The following UTP4 variants were observed in gnomAD, a reference collection of about 807,000 sequenced individuals.
The protein encoded by UTP4 is U3 small nucleolar RNA-associated protein 4 homolog.
Under a neutral mutation model 82.4 loss-of-function variants are expected in UTP4, and 45 were observed. The observed-to-expected ratio is 0.55, with a 90% CI of 0.43 to 0.70. The LOEUF is 0.70. Ranked by LOEUF, UTP4 falls within the 30% of genes least tolerant of loss-of-function variation. The pLI is 0.00. For synonymous variants in UTP4, 348 were observed against 300.3 expected, an observed-to-expected ratio of 1.16 and a Z score of -1.64; for missense variants, 819 against 858.3, an observed-to-expected ratio of 0.95 and a Z score of 0.57.
chr16:69,144,225 G>A (rs755392987), intron 6 of UTP4, among the ~76,000 whole-genome samples: 10 of 148,588 alleles, frequency 6.7e-5, no homozygotes, highest in South Asian at 2.1e-4. Context: ...TTTTTGAGAC[G>A]GAGTCTAGCT....
chr16:69,165,813 A>G, intron 15 of UTP4: 1 of 540,122 alleles, frequency 1.9e-6, no homozygotes. Flanking sequence ...CATAAATCTT[A>G]CACAGAAAAG....
chr16:69,150,715 T>C lies in UTP4; in HGVS notation c.910+7T>C. 6.2e-7 allele frequency: 1 copy of C among 1,614,146 alleles called. No homozygotes were observed. Among genetic ancestry groups the C allele is most frequent in the Non-Finnish European group, 8.5e-7 (1 of 1,180,014 alleles). ...ACAGCGCTGATATCTGGAGGTGGGT[T>C]CCCCCTCTGGTGAGGCTGCTGCTTT... is the stretch of plus-strand genomic sequence containing the variant. On this transcript the variant is annotated splice_region_variant and intron_variant, in intron 7 of 16. Transcript: ENST00000314423.
At position 69,163,191 on chromosome 16, in the gene UTP4, C is replaced by G. The variant is rs760486146; in HGVS notation, c.1647+13C>G. 2 of 1,590,902 alleles carry G rather than the reference C, an allele frequency of 1.3e-6. No homozygotes were observed. Among genetic ancestry groups the G allele is most frequent in the Non-Finnish European group, 1.7e-6 (2 of 1,159,006 alleles). On this transcript the variant is annotated intron_variant, in intron 14 of 16. Coordinates refer to ENST00000314423, the MANE Select transcript of UTP4 (RefSeq NM_032830.3). ...TTCGGACCAGCAGGTAAGGGAGATTCCAGTGCTTTCTATTCCCTTCCTGCT... is the reference window on the plus strand; with the variant it reads ...TTCGGACCAGCAGGTAAGGGAGATTGCAGTGCTTTCTATTCCCTTCCTGCT...
chr16:69,168,793 T>C, intron 16 of UTP4, 28 bp from the exon 17 acceptor site: 4 of 1,415,790 alleles, frequency 2.8e-6, no homozygotes, highest in Non-Finnish European at 4.0e-6. Flanking sequence ...TCCTAAGTCC[T>C]GATAGAATAA....
chr16:69,148,906 T>C (rs1963189924), intron 6 of UTP4, among the ~76,000 whole-genome samples: 1 of 152,188 alleles, frequency 6.6e-6, no homozygotes, highest in Non-Finnish European at 1.5e-5. Context: ...GCCACATTAC[T>C]ACTCTTGTTT....
intron 14 of UTP4, among the ~76,000 whole-genome samples, chr16:69,164,810 A>G (rs765779442): frequency 1.4e-4 from 21 of 151,930 alleles, no homozygotes; most frequent in Non-Finnish European, 7.4e-5. Context: ...TGACCGATAT[A>G]TATGTGTATT....
At chr16:69,153,297 T>TA (rs2152281050) in intron 8 of UTP4, among the ~76,000 whole-genome samples, 1 of 152,302 alleles carries the variant, frequency 6.6e-6, no homozygotes, top group East Asian at 1.9e-4. Flanking sequence ...TTTCAGTACA[T>TA]ACTGTGTTTA....
At chr16:69,159,333 T>C (rs2152282804) in intron 12 of UTP4, among the ~76,000 whole-genome samples, 1 of 151,544 alleles carries the variant, frequency 6.6e-6, no homozygotes, top group African/African-American at 2.4e-5. Context: ...CACCTACCTC[T>C]GCCTCCCAAA....
chr16:69,142,910 C>G (rs900699192), intron 5 of UTP4, among the ~76,000 whole-genome samples: 1 of 152,222 alleles, frequency 6.6e-6, no homozygotes, highest in Non-Finnish European at 1.5e-5. Flanking sequence ...TCCCAACACC[C>G]CTTCTCTTCA....
chr16:69,140,619 C>T (rs1315623094), intron 5 of UTP4, among the ~76,000 whole-genome samples: 2 of 151,728 alleles, frequency 1.3e-5, no homozygotes, highest in Non-Finnish European at 2.9e-5. Context: ...GAAGCTGAGG[C>T]AGGAGAATCG....
rs747759275 is a variant in UTP4 at position 69,143,221 on chromosome 16, C to T, written c.570C>T (p.Gly190=). 1.4e-5 allele frequency: 23 copies of T among 1,614,098 alleles called. No homozygotes were observed. Among genetic ancestry groups the T allele is most frequent in the South Asian group, 6.6e-5 (6 of 91,092 alleles). ...HKMIVDRQYM[G]VSKRKCIVWG... ...TGATTGTGGACAGGCAGTATATGGG[C>T]GTGTCTAAGCGGAAGTGCATCGTGT... is the stretch of plus-strand genomic sequence containing the variant. Residue 190 remains glycine (G), a synonymous_variant, in exon 6 of 17, where the codon GGC becomes GGT. Coordinates refer to ENST00000314423, the MANE Select transcript of UTP4 (RefSeq NM_032830.3).
intron 8 of UTP4, among the ~76,000 whole-genome samples, chr16:69,152,464 CT>C (rs58914042): frequency 0.021 from 2,264 of 107,088 alleles, 52 homozygotes; most frequent in African/African-American, 0.069. Flanking sequence ...TTCTGTTTTT[CT>C]TTTTTTTTTT....
At position 69,136,817 on chromosome 16, in the gene UTP4, A is replaced by T; in HGVS notation, c.281A>T (p.Lys94Met). ...MEYDLQALNI[K>M]YAMDAFGGPI... The stretch of plus-strand genomic sequence containing the variant: ...TATGATTTACAGGCGTTAAACATCA[A>T]GTATGCTATGGATGCCTTTGGAGGA... The change falls in exon 3 of 17, where the codon AAG becomes ATG. Residue 94 changes from lysine to methionine, a missense_variant. By Grantham distance (95) the Lys-to-Met change is moderately conservative. Transcript: ENST00000314423. The T allele has an allele frequency of 6.2e-7, 1 of 1,614,208 alleles. No individual in the cohort carries two copies. The highest frequency in any genetic ancestry group is 1.3e-5 in the African/African-American group (1 of 75,058).
chr16:69,161,928 G>A (rs1963572075), intron 13 of UTP4, among the ~76,000 whole-genome samples: 1 of 151,820 alleles, frequency 6.6e-6, no homozygotes, highest in Non-Finnish European at 1.5e-5. Flanking sequence ...CTTCCGAAGT[G>A]CTGTAGTTAC....
intron 2 of UTP4, among the ~76,000 whole-genome samples, chr16:69,135,368 G>A (rs973162728): frequency 1.3e-5 from 2 of 151,752 alleles, no homozygotes; most frequent in African/African-American, 4.8e-5. Context: ...TACTAGATAC[G>A]ATTGCTTAGC....
Position 69,167,062 on chromosome 16 carries a change from T to G in UTP4, c.1834-13T>G, listed in dbSNP as rs1376009701. Reference sequence around the variant, plus strand: ...AAAGTAACCATTTAAACAATGTGTCTTTGTTTTTTTAGCCCCTTCCAAATG... The same window carrying G: ...AAAGTAACCATTTAAACAATGTGTCGTTGTTTTTTTAGCCCCTTCCAAATG... On this transcript the variant is annotated splice_polypyrimidine_tract_variant and intron_variant, in intron 15 of 16. Coordinates refer to ENST00000314423, the MANE Select transcript of UTP4 (RefSeq NM_032830.3). 1 of 1,568,110 alleles carries G rather than the reference T, an allele frequency of 6.4e-7. No individual in the cohort carries two copies. Among genetic ancestry groups the G allele is most frequent in the South Asian group, 1.1e-5 (1 of 90,202 alleles).
intron 12 of UTP4, among the ~76,000 whole-genome samples, chr16:69,159,749 A>G (rs1362575094): frequency 6.6e-6 from 1 of 152,072 alleles, no homozygotes; most frequent in African/African-American, 2.4e-5. Context: ...GCACTTTGGG[A>G]GGCCAAGGTG....
In UTP4 at chr16:69,154,425, A is replaced by G; in HGVS notation, c.1132A>G (p.Asn378Asp). Residue 378 changes from asparagine to aspartate, a missense_variant, in exon 10 of 17, where the codon AAT becomes GAT. Asn to Asp is a conservative substitution (Grantham distance 23). Transcript: ENST00000314423. ...KNGDTLPLSK[N>D]ADHLLHLKTK... The stretch of plus-strand genomic sequence containing the variant: ...TGGGGATACTCTTCCACTCTCTAAA[A>G]ATGCAGATCATTTACTGCACCTAAA... The G allele has an allele frequency of 6.2e-7, 1 of 1,613,492 alleles. No individual in the cohort carries two copies. The highest frequency in any genetic ancestry group is 8.5e-7 in the Non-Finnish European group (1 of 1,179,474).
chr16:69,161,159 C>G (rs966174922), intron 13 of UTP4, among the ~76,000 whole-genome samples: 14 of 152,228 alleles, frequency 9.2e-5, no homozygotes, highest in African/African-American at 3.4e-4. Context: ...GCCTTGTAAT[C>G]TCAAGGTAAA....
Sources: gnomAD v4.1 joint callset for allele counts (sites outside exome capture counted in the v4.1 genomes callset) on GRCh38, gnomAD v4.1.1 for gene constraint, MANE v1.5 for transcripts, NCBI Gene and HGNC (gene_info 2026-07-23, HGNC 2026-07-21) for gene names.